DOCK4: variants seen among roughly 807,000 people sequenced by gnomAD.
DOCK4 encodes the protein dedicator of cytokinesis protein 4.
DOCK4 carries 97 observed loss-of-function variants against 268.1 expected under a neutral mutation model. The observed-to-expected ratio is 0.36, with a 90% confidence interval of 0.31 to 0.43. DOCK4 has a LOEUF of 0.43. Among genes scored for constraint, DOCK4 ranks in the 20% least tolerant of loss-of-function variants. The pLI, the probability that DOCK4 is intolerant of heterozygous loss-of-function variation, is 1.00. For missense variants in DOCK4, 2,145 were observed against 2,455.7 expected, an observed-to-expected ratio of 0.87 and a Z score of 2.67; for synonymous variants, 954 against 887.2, an observed-to-expected ratio of 1.08 and a Z score of -1.34.
Position 111,901,774 on chromosome 7 carries a change from G to A in DOCK4, c.1220C>T (p.Thr407Ile), listed in dbSNP as rs766336460. Residue 407 changes from threonine to isoleucine, a missense_variant, in exon 14 of 53, where the codon ACT (threonine) becomes ATT (isoleucine). Physicochemically the swap from Thr to Ile is moderately conservative, Grantham distance 89 (BLOSUM62 -1). This residue lies in a region of DOCK4 where 1,598 missense variants were observed against 1,986.7 expected (regional missense o/e 0.80). Coordinates refer to ENST00000428084, the MANE Select transcript of DOCK4 (RefSeq NM_001363540.2). ...PGEMRNDLYI[T>I]IERGEFEKGG... ...TTTCTCAAATTCTCCCCTTTCAATA[G>A]TGATATATAAATCATTCCTCATTTC... is the stretch of plus-strand genomic sequence containing the variant. 17 of 1,590,142 alleles carry A rather than the reference G, an allele frequency of 1.1e-5. No individual in the cohort carries two copies. In the Middle Eastern group the frequency reaches 9.9e-4, roughly 93 times the overall value.
chr7:111,841,365 T>C (rs1313240258), intron 25 of DOCK4, among the ~76,000 whole-genome samples: 2 of 152,044 alleles, frequency 1.3e-5, no homozygotes, highest in Admixed American at 1.3e-4. Context: ...TTTCAAGATG[T>C]TGGCCAGGCT....
At chr7:111,908,215 G>A (rs980900713) in intron 13 of DOCK4, among the ~76,000 whole-genome samples, 2 of 152,110 alleles carry the variant, frequency 1.3e-5, no homozygotes, top group African/African-American at 2.4e-5. Context: ...TTGGGAGGCT[G>A]AGGCAGGCAG....
chr7:112,023,929 C>CG (rs1278517658), intron 1 of DOCK4, among the ~76,000 whole-genome samples: 1 of 152,192 alleles, frequency 6.6e-6, no homozygotes, highest in Non-Finnish European at 1.5e-5. Flanking sequence ...AGCCAGCAGA[C>CG]TAAGTGACGC....
Position 111,900,370 on chromosome 7 carries a change from T to G in DOCK4, c.1480+4A>C. 1 of 1,612,126 alleles carries G rather than the reference T, an allele frequency of 6.2e-7. No homozygotes were observed. Among genetic ancestry groups the G allele is most frequent in the Middle Eastern group, 1.6e-4 (1 of 6,062 alleles). Reference sequence around the variant, plus strand: ...ACAGGTAGCCAATGCCACCAAACACTTACTGGAACAATGCCGAAACTCGAA... The same window carrying G: ...ACAGGTAGCCAATGCCACCAAACACGTACTGGAACAATGCCGAAACTCGAA... On this transcript the variant is annotated splice_donor_region_variant and intron_variant, in intron 15 of 52. Coordinates refer to ENST00000428084, the MANE Select transcript of DOCK4 (RefSeq NM_001363540.2).
chr7:112,149,482 G>C (rs1431818053), intron 1 of DOCK4, among the ~76,000 whole-genome samples: 1 of 151,144 alleles, frequency 6.6e-6, no homozygotes, highest in East Asian at 1.9e-4. Context: ...AATCGCTGTA[G>C]GAAAGAAAGA....
At chr7:112,059,134 CTTTTTTTTT>C (rs572050793) in intron 1 of DOCK4, among the ~76,000 whole-genome samples, 1 of 99,000 alleles carries the variant, frequency 1.0e-5, no homozygotes, top group African/African-American at 5.0e-5. Flanking sequence ...GCAGCATTTC[CTTTTTTTTT>C]TTTTTTTTTT....
intron 1 of DOCK4, among the ~76,000 whole-genome samples, chr7:112,020,237 A>G (rs180997678): frequency 7.9e-5 from 12 of 152,262 alleles, no homozygotes; most frequent in Non-Finnish European, 1.8e-4. Context: ...ATCCTCATAC[A>G]TGTGTAGAAA....
chr7:111,903,152 C>T (rs925916412), intron 13 of DOCK4, among the ~76,000 whole-genome samples: 1 of 152,158 alleles, frequency 6.6e-6, no homozygotes, highest in Non-Finnish European at 1.5e-5. Context: ...TTCCTCAATA[C>T]CATGGACCAT....
At chr7:111,854,333 C>G (rs1438621090) in intron 23 of DOCK4, among the ~76,000 whole-genome samples, 6 of 152,174 alleles carry the variant, frequency 3.9e-5, no homozygotes, top group Non-Finnish European at 1.5e-5. Context: ...CTGTCCTGTT[C>G]TGTTCCATTC....
At chr7:111,980,388 G>A (rs1436384468) in intron 7 of DOCK4, among the ~76,000 whole-genome samples, 8 of 152,128 alleles carry the variant, frequency 5.3e-5, no homozygotes, top group Admixed American at 5.2e-4. Context: ...CACTTCAAGG[G>A]CTTGAGATAA....
chr7:112,140,695 G>T (rs1335554635), intron 1 of DOCK4, among the ~76,000 whole-genome samples: 2 of 149,508 alleles, frequency 1.3e-5, no homozygotes, highest in Non-Finnish European at 3.0e-5. Context: ...ATACACGGAA[G>T]AATTTTTTTT....
At position 111,977,234 on chromosome 7, in the gene DOCK4, T is replaced by C. The variant is rs1798275159; in HGVS notation, c.599A>G (p.His200Arg). 2 of 1,610,658 alleles carry C rather than the reference T, an allele frequency of 1.2e-6. No individual in the cohort carries two copies. The highest frequency in any genetic ancestry group is 1.7e-6 in the Non-Finnish European group (2 of 1,178,464). The change falls in exon 8 of 53, where the codon CAC becomes CGC. Residue 200 changes from histidine (H) to arginine (R), a missense_variant. Transcript: ENST00000428084. ...GCTCTTCATCTGGACAAAGAGGTGGTGACTGCTGGCCTGCACCGGGGTGTC... is the reference window on the plus strand; with the variant it reads ...GCTCTTCATCTGGACAAAGAGGTGGCGACTGCTGGCCTGCACCGGGGTGTC... ...KKDTPVQASS[H>R]HLFVQMKSLM...
intron 1 of DOCK4, among the ~76,000 whole-genome samples, chr7:112,144,457 G>C (rs1195895959): frequency 2.0e-5 from 3 of 150,034 alleles, no homozygotes; most frequent in Non-Finnish European, 3.0e-5. Context: ...CCATATGGCT[G>C]AGTGAGGATC....
At chr7:112,148,025 T>C (rs543963321) in intron 1 of DOCK4, among the ~76,000 whole-genome samples, 2 of 152,128 alleles carry the variant, frequency 1.3e-5, no homozygotes, top group East Asian at 3.9e-4. Context: ...CTGCTTGATG[T>C]TCTCTGCTTT....
intron 40 of DOCK4, 46 bp from the exon 41 acceptor site, chr7:111,758,836 T>C (rs1282909321): frequency 6.3e-7 from 1 of 1,592,974 alleles, no homozygotes; most frequent in Non-Finnish European, 8.6e-7. Flanking sequence ...GCAAACTCCA[T>C]GGAAGTCTGG....
rs535560822 is a variant in DOCK4, at chr7:112,100,636, G to T, written c.38-96505C>A. Among the ~76,000 whole-genome samples, 5 of 152,306 alleles carry T rather than the reference G, an allele frequency of 3.3e-5. No homozygotes were observed. In the East Asian group the frequency reaches 9.7e-4, roughly 29 times the overall value. On this transcript the variant is annotated intron_variant, in intron 1 of 52. Coordinates refer to ENST00000428084, the MANE Select transcript of DOCK4 (RefSeq NM_001363540.2). ...TAGCTTCCACTCAACATCCAAGATT[G>T]CATATATCAAAGTGCATCAGACATG... is the stretch of plus-strand genomic sequence containing the variant.
At chr7:112,024,972 C>T (rs983698973) in intron 1 of DOCK4, among the ~76,000 whole-genome samples, 1 of 152,152 alleles carries the variant, frequency 6.6e-6, no homozygotes, top group Non-Finnish European at 1.5e-5. Flanking sequence ...TTATTTCATG[C>T]TACTAAATAC....
intron 26 of DOCK4, among the ~76,000 whole-genome samples, chr7:111,831,189 G>T (rs1005862554): frequency 6.6e-5 from 10 of 151,970 alleles, no homozygotes; most frequent in African/African-American, 2.2e-4. Flanking sequence ...TCCCAAACCT[G>T]AATACCTAAC....
chr7:111,804,044 A>G (rs1345441331), intron 30 of DOCK4, among the ~76,000 whole-genome samples: 1 of 152,214 alleles, frequency 6.6e-6, no homozygotes, highest in African/African-American at 2.4e-5. Flanking sequence ...TCCTCAAAAA[A>G]TTAACAATAG....
Sources: allele counts gnomAD v4.1 joint callset (sites outside exome capture counted in the v4.1 genomes callset), GRCh38; gene constraint gnomAD v4.1.1; regional missense constraint gnomAD v4.1.1; transcripts MANE v1.5; gene names NCBI Gene and HGNC (gene_info 2026-07-23, HGNC 2026-07-21).